LPGAT1: variants seen among roughly 807,000 people sequenced by gnomAD.
LPGAT1 encodes acyl-CoA:lysophosphatidylglycerol acyltransferase 1.
LPGAT1 carries 11 observed loss-of-function variants against 47.5 expected under a neutral mutation model. That is an observed-to-expected ratio of 0.23 (90% CI 0.15 to 0.38). The LOEUF is 0.38. Among genes scored for constraint, LPGAT1 ranks in the 10% least tolerant of loss-of-function variants. The pLI is 1.00. For synonymous variants in LPGAT1, 138 were observed against 144.2 expected (o/e 0.96, Z 0.31); for missense variants, 293 against 439.0 (o/e 0.67, Z 2.97).
chr1:211,755,740 A>C (rs1184525893), intron 6 of LPGAT1, among the ~76,000 whole-genome samples: 1 of 152,042 alleles, frequency 6.6e-6, no homozygotes, highest in Non-Finnish European at 1.5e-5. Flanking sequence ...TTAAAATTTT[A>C]CTTTCAAAAA....
At chr1:211,764,819 T>C (rs906225793) in intron 6 of LPGAT1, among the ~76,000 whole-genome samples, 1 of 152,148 alleles carries the variant, frequency 6.6e-6, no homozygotes, top group African/African-American at 2.4e-5. Flanking sequence ...GCAGATACTT[T>C]TGAGTGACTT....
At chr1:211,780,033 C>T (rs1406147551) in intron 5 of LPGAT1, among the ~76,000 whole-genome samples, 7 of 151,404 alleles carry the variant, frequency 4.6e-5, no homozygotes, top group Non-Finnish European at 1.0e-4. Flanking sequence ...CAAAATTAGC[C>T]AGGCATGGTA....
chr1:211,772,198 C>T (rs769310317), intron 6 of LPGAT1, among the ~76,000 whole-genome samples: 3 of 152,168 alleles, frequency 2.0e-5, no homozygotes, highest in Non-Finnish European at 2.9e-5. Flanking sequence ...GATAGTTTGT[C>T]GTTTCTCCAT....
intron 2 of LPGAT1, among the ~76,000 whole-genome samples, chr1:211,802,079 C>A (rs1303496604): frequency 2.1e-4 from 26 of 122,194 alleles, no homozygotes; most frequent in Admixed American, 8.5e-4. Flanking sequence ...CAGAGTGAGA[C>A]TCTGTCTCAA....
At chr1:211,819,028 C>T (rs1347366632) in intron 2 of LPGAT1, among the ~76,000 whole-genome samples, 1 of 152,144 alleles carries the variant, frequency 6.6e-6, no homozygotes, top group African/African-American at 2.4e-5. Flanking sequence ...AGGATGGTGG[C>T]AGTGCTATTT....
At position 211,829,429 on chromosome 1, in the gene LPGAT1, G is replaced by A. The variant is rs1328918783; in HGVS notation, c.-27-106C>T. 178 of 1,492,534 alleles carry A rather than the reference G, an allele frequency of 1.2e-4. 1 individual carries two copies. The highest frequency in any genetic ancestry group is 1.5e-4 in the Non-Finnish European group (169 of 1,127,840). The allele number at this position is 1,492,534 out of a possible 1,614,324, so 92.5% of individuals were successfully genotyped here. ...AGCACAAAATAAAACAGCGAGGGTC[G>A]AAGCTTTCCGGGTGTAGTACCTCGG... On this transcript the variant is annotated intron_variant, in intron 1 of 7. Coordinates refer to ENST00000366997, the MANE Select transcript of LPGAT1 (RefSeq NM_014873.3).
chr1:211,797,386 G>A lies in LPGAT1; in HGVS notation c.239-4196C>T, dbSNP rs551997991. On this transcript the variant is annotated intron_variant, in intron 2 of 7. Transcript: ENST00000366997. ...TTCTGTCTCAGCCTCCCAAGGTGCT[G>A]GGATGACATGCATGAGCCACCACAC... Among the ~76,000 whole-genome samples, 115 of 147,820 alleles carry A rather than the reference G, an allele frequency of 7.8e-4. 1 individual carries two copies. Among genetic ancestry groups the A allele is most frequent in the African/African-American group, 2.7e-3 (110 of 40,174 alleles).
At chr1:211,751,275 TTACTAGTC>T (rs1333581287) in intron 6 of LPGAT1, among the ~76,000 whole-genome samples, 1 of 152,212 alleles carries the variant, frequency 6.6e-6, no homozygotes, top group Admixed American at 6.5e-5. Context: ...ATTCAAACAT[TTACTAGTC>T]TACTATGTTT....
At position 211,830,564 on chromosome 1, in the gene LPGAT1, G is replaced by T; in HGVS notation, c.-28+9C>A. The T allele has an allele frequency of 8.9e-7, 1 of 1,129,330 alleles. No homozygotes were observed. The highest frequency in any genetic ancestry group is 4.4e-5 in the South Asian group (1 of 22,898). The allele number at this position is 1,129,330 out of a possible 1,614,324, so 70.0% of individuals were successfully genotyped here. A position where few individuals can be genotyped will look rare whatever the true frequency, so the allele number is the denominator to read the frequency against. Reference sequence around the variant, plus strand: ...CTCTGGGGCCTGCGACCGCGGAGCCGGAGGTTACCTCGGGCTGGCCGGGCC... The same window carrying T: ...CTCTGGGGCCTGCGACCGCGGAGCCTGAGGTTACCTCGGGCTGGCCGGGCC... On this transcript the variant is annotated intron_variant, in intron 1 of 7. Coordinates refer to ENST00000366997, the MANE Select transcript of LPGAT1 (RefSeq NM_014873.3). The surrounding 1 kb of genome is among the most constrained non-coding windows in gnomAD (Gnocchi z 5.9).
intron 2 of LPGAT1, among the ~76,000 whole-genome samples, chr1:211,815,864 C>T (rs550406615): frequency 6.6e-6 from 1 of 150,426 alleles, no homozygotes; most frequent in East Asian, 2.0e-4. Flanking sequence ...CTGCAAGTTC[C>T]GCCTCCCATG....
rs1656858798 is a variant in LPGAT1, at chr1:211,744,333, T to C, written c.*5566A>G. ...TTAAGCATTGGTTATGAAAATTGAATCATATAAATTTACAATTAATGTTAA... is the reference window on the plus strand; with the variant it reads ...TTAAGCATTGGTTATGAAAATTGAACCATATAAATTTACAATTAATGTTAA... On this transcript the variant is annotated 3_prime_UTR_variant, in exon 8 of 8. Coordinates refer to ENST00000366997, the MANE Select transcript of LPGAT1 (RefSeq NM_014873.3). The C allele has an allele frequency of 6.6e-6, 1 of 152,260 alleles. No individual in the cohort carries two copies. The highest frequency in any genetic ancestry group is 1.5e-5 in the Non-Finnish European group (1 of 68,036). 9.4% of individuals were successfully genotyped at this position (152,260 alleles called of 1,614,324 possible). A position where few individuals can be genotyped will look rare whatever the true frequency, so the allele number is the denominator to read the frequency against.
At chr1:211,777,208 T>C (rs148817486) in intron 6 of LPGAT1, among the ~76,000 whole-genome samples, 464 of 152,270 alleles carry the variant, frequency 3.0e-3, no homozygotes, top group African/African-American at 1.0e-2. Context: ...GCTAAAGACA[T>C]GGCCCAAATC....
chr1:211,785,016 G>C (rs1324991620), intron 4 of LPGAT1, among the ~76,000 whole-genome samples: 1 of 151,992 alleles, frequency 6.6e-6, no homozygotes, highest in Admixed American at 6.6e-5. Flanking sequence ...TGTTAGCCAG[G>C]ATGGTCTCGA....
intron 2 of LPGAT1, among the ~76,000 whole-genome samples, chr1:211,827,621 T>C (rs1660578103): frequency 6.6e-6 from 1 of 152,146 alleles, no homozygotes; most frequent in Non-Finnish European, 1.5e-5. Flanking sequence ...CCATATAACA[T>C]ATATTTGGGA....
In LPGAT1 at chr1:211,751,021, T is replaced by C; in HGVS notation, c.901A>G (p.Thr301Ala). The C allele has an allele frequency of 6.2e-7, 1 of 1,613,880 alleles. No homozygotes were observed. Among genetic ancestry groups the C allele is most frequent in the Non-Finnish European group, 8.5e-7 (1 of 1,179,816 alleles). Reference sequence around the variant, plus strand: ...TCAACAAACCGCTGATAGAGCCAAGTGGTAAGGTCATCAGTCTCCAGGGGT... The same window carrying C: ...TCAACAAACCGCTGATAGAGCCAAGCGGTAAGGTCATCAGTCTCCAGGGGT... The part of the protein sequence containing the change: ...DVPLETDDLT[T>A]WLYQRFVEKE... The change falls in exon 7 of 8, where the codon ACT becomes GCT. Residue 301 changes from threonine to alanine, a missense_variant. Transcript: ENST00000366997.
intron 6 of LPGAT1, among the ~76,000 whole-genome samples, chr1:211,757,450 G>A (rs1300676113): frequency 1.3e-5 from 2 of 152,068 alleles, no homozygotes; most frequent in Non-Finnish European, 2.9e-5. Context: ...CATATATTTG[G>A]CATATGATAA....
At chr1:211,750,189 T>G in intron 7 of LPGAT1, 139 bp from the exon 8 acceptor site, 1 of 709,040 alleles carries the variant, frequency 1.4e-6, no homozygotes, top group Non-Finnish European at 2.4e-6. Context: ...AGGAGAGATT[T>G]TATTTGAAAT....
At chr1:211,789,669 C>A (rs1371778981) in intron 3 of LPGAT1, among the ~76,000 whole-genome samples, 1 of 152,042 alleles carries the variant, frequency 6.6e-6, no homozygotes, top group Non-Finnish European at 1.5e-5. Context: ...ATCACGAGGT[C>A]AAGAGATCGA....
chr1:211,830,439 G>T lies in LPGAT1; in HGVS notation c.-28+134C>A. 1 of 1,170,560 alleles carries T rather than the reference G, an allele frequency of 8.5e-7. No individual in the cohort carries two copies. Among genetic ancestry groups the T allele is most frequent in the Non-Finnish European group, 1.1e-6 (1 of 945,944 alleles). The allele number at this position is 1,170,560 out of a possible 1,614,324, so 72.5% of individuals were successfully genotyped here. ...CCCCGCCTCCTCCCCGGGGCCTACC[G>T]CGCCCTCGTCCCTCAGGCCGCTGCC... is the stretch of plus-strand genomic sequence containing the variant. On this transcript the variant is annotated intron_variant, in intron 1 of 7. Coordinates refer to ENST00000366997, the MANE Select transcript of LPGAT1 (RefSeq NM_014873.3). This position sits in a 1 kb window ranked among gnomAD's most constrained non-coding sequence, Gnocchi z 5.9.
Sources: gnomAD v4.1 joint callset for allele counts (sites outside exome capture counted in the v4.1 genomes callset) on GRCh38, gnomAD v4.1.1 for gene constraint, Gnocchi (gnomAD v3.1) non-coding constraint, MANE v1.5 for transcripts, NCBI Gene and HGNC (gene_info 2026-07-23, HGNC 2026-07-21) for gene names.